Variants in RANBP3 observed in about 807,000 individuals in gnomAD.
RANBP3 encodes the protein RAN binding protein 3.
Under a neutral mutation model 77.3 loss-of-function variants are expected in RANBP3, and 14 were observed. The ratio of observed to expected loss-of-function variants is 0.18; its 90% CI spans 0.12 to 0.28. The LOEUF (loss-of-function observed/expected upper bound fraction) is 0.28. Ranked by LOEUF, RANBP3 falls within the 10% of genes least tolerant of loss-of-function variation. The pLI is 1.00. For synonymous variants in RANBP3, 315 were observed against 312.4 expected, an observed-to-expected ratio of 1.01 and a Z score of -0.09; for missense variants, 586 against 752.3, an observed-to-expected ratio of 0.78 and a Z score of 2.59.
At chr19:5,939,510 C>G (rs1442168140) in intron 5 of RANBP3, among the ~76,000 whole-genome samples, 2 of 152,208 alleles carry the variant, frequency 1.3e-5, no homozygotes, top group Non-Finnish European at 2.9e-5. Context: ...CCGGGGCTCA[C>G]TTGGCTCTGA....
At chr19:5,961,941 T>C (rs1191537264) in intron 1 of RANBP3, among the ~76,000 whole-genome samples, 1 of 151,702 alleles carries the variant, frequency 6.6e-6, no homozygotes, top group African/African-American at 2.4e-5. Flanking sequence ...CAAGAGCGCG[T>C]GGTTCCCCTT....
intron 1 of RANBP3, among the ~76,000 whole-genome samples, chr19:5,972,971 C>T (rs749178564): frequency 1.3e-4 from 20 of 152,178 alleles, no homozygotes; most frequent in Non-Finnish European, 2.1e-4. Flanking sequence ...CCAGTGAGGG[C>T]TTTTCTGTCT....
intron 3 of RANBP3, among the ~76,000 whole-genome samples, chr19:5,951,144 G>A (rs1055648051): frequency 1.3e-5 from 2 of 152,206 alleles, no homozygotes; most frequent in African/African-American, 4.8e-5. Context: ...TTGGGAAACA[G>A]GATTCACCTC....
At chr19:5,966,313 AAC>A (rs1369971598) in intron 1 of RANBP3, among the ~76,000 whole-genome samples, 1 of 152,190 alleles carries the variant, frequency 6.6e-6, no homozygotes, top group Non-Finnish European at 1.5e-5. Flanking sequence ...TGCCTCAGCC[AAC>A]ACAGTGTGTG....
chr19:5,922,920 A>T (rs765778946), intron 13 of RANBP3, among the ~76,000 whole-genome samples: 2 of 152,244 alleles, frequency 1.3e-5, no homozygotes, highest in African/African-American at 2.4e-5. Flanking sequence ...AGCCTGGGTG[A>T]CAGAGTAAGA....
intron 2 of RANBP3, among the ~76,000 whole-genome samples, chr19:5,956,917 C>T (rs1356334652): frequency 6.6e-6 from 1 of 152,136 alleles, no homozygotes; most frequent in Non-Finnish European, 1.5e-5. Flanking sequence ...CAAAATGCAC[C>T]GAATTCAGCA....
At chr19:5,971,483 C>G (rs1007105821) in intron 1 of RANBP3, among the ~76,000 whole-genome samples, 2 of 152,046 alleles carry the variant, frequency 1.3e-5, no homozygotes, top group African/African-American at 4.8e-5. Context: ...TTATCTGCTT[C>G]TATAGTTCAT....
chr19:5,920,434 C>T (rs2057803219), intron 14 of RANBP3, among the ~76,000 whole-genome samples: 1 of 152,130 alleles, frequency 6.6e-6, no homozygotes, highest in Admixed American at 6.6e-5. Flanking sequence ...CACACACAGG[C>T]TGATTTCCTT....
chr19:5,962,021 G>A lies in RANBP3; in HGVS notation c.23-4048C>T, dbSNP rs59761952. ...TCAGGAAGCTCCCACTGTGAGAGGCGTGCCTGCCCTGCTGCACTCCCTCCC... is the reference window on the plus strand; with the variant it reads ...TCAGGAAGCTCCCACTGTGAGAGGCATGCCTGCCCTGCTGCACTCCCTCCC... On this transcript the variant is annotated intron_variant, in intron 1 of 16. Coordinates refer to ENST00000340578, the MANE Select transcript of RANBP3 (RefSeq NM_007322.3). Among the ~76,000 whole-genome samples, 268 of 152,128 alleles carry A rather than the reference G, an allele frequency of 1.8e-3. 1 individual carries two copies. Among genetic ancestry groups the A allele is most frequent in the African/African-American group, 6.3e-3 (261 of 41,506 alleles).
rs771772620 is a variant in RANBP3, at chr19:5,924,878, G to A, written c.945C>T (p.Asp315=). The change falls in exon 11 of 17, where the codon GAC becomes GAT. Residue 315 remains aspartate (D), a synonymous_variant. Coordinates refer to ENST00000340578, the MANE Select transcript of RANBP3 (RefSeq NM_007322.3). This position sits in a 1 kb window ranked among gnomAD's most constrained non-coding sequence, Gnocchi z 4.7. Reference sequence around the variant, plus strand: ...CAAATACAAATTTGTTGCTGGAGGCGTCGGCACTATTGGTTGAGTTCTCTA... The same window carrying A: ...CAAATACAAATTTGTTGCTGGAGGCATCGGCACTATTGGTTGAGTTCTCTA... ...SSLENSTNSA[D]ASSNKFVFGQ... is the part of the protein sequence containing the mutation. 24 of 1,614,012 alleles carry A rather than the reference G, an allele frequency of 1.5e-5. No individual in the cohort carries two copies. The highest frequency in any genetic ancestry group is 2.2e-5 in the East Asian group (1 of 44,894).
intron 5 of RANBP3, among the ~76,000 whole-genome samples, chr19:5,939,042 C>T (rs1466453223): frequency 1.3e-5 from 2 of 151,502 alleles, no homozygotes; most frequent in Admixed American, 6.6e-5. Context: ...AAAATTACCC[C>T]GGCATTGTGG....
At position 5,958,780 on chromosome 19, in the gene RANBP3, T is replaced by C. The variant is rs754489466; in HGVS notation, c.23-807A>G. On this transcript the variant is annotated intron_variant, in intron 1 of 16. Transcript: ENST00000340578. The surrounding 1 kb of genome is among the most constrained non-coding windows in gnomAD (Gnocchi z 4.4). ...CCTGCCTCATGGCCTTGGGCCTGCATGCACTTTGATGAACTCTGGGGGTGC... is the reference window on the plus strand; with the variant it reads ...CCTGCCTCATGGCCTTGGGCCTGCACGCACTTTGATGAACTCTGGGGGTGC... Among the ~76,000 whole-genome samples the C allele has an allele frequency of 5.3e-5, 8 of 152,376 alleles. No individual in the cohort carries two copies. Among genetic ancestry groups the C allele is most frequent in the Admixed American group, 1.3e-4 (2 of 15,312 alleles).
chr19:5,971,928 G>A (rs1430616125), intron 1 of RANBP3, among the ~76,000 whole-genome samples: 1 of 152,244 alleles, frequency 6.6e-6, no homozygotes, highest in Non-Finnish European at 1.5e-5. Flanking sequence ...CACAGGCGCA[G>A]CTGTTCCTTA....
rs984111995 is a variant in RANBP3, at chr19:5,941,700, G to C, written c.327C>G (p.Asp109Glu). 2 of 1,613,644 alleles carry C rather than the reference G, an allele frequency of 1.2e-6. No individual in the cohort carries two copies. The stretch of plus-strand genomic sequence containing the variant: ...GAGGGCAGTAATTTCCATCTTCTCT[G>C]TCAGAATCTACAGAAAATGATGAGA... ...GSSPEGGEDS[D>E]REDGNYCPPV... is the part of the protein sequence containing the mutation. Residue 109 changes from aspartate to glutamate, a missense_variant, in exon 5 of 17, where the codon GAC becomes GAG. Asp to Glu is a conservative substitution (Grantham distance 45, BLOSUM62 2). This residue lies in a region of RANBP3 where 172 missense variants were observed against 183.4 expected (regional missense o/e 0.94). Transcript: ENST00000340578.
chr19:5,957,375 T>G lies in RANBP3; in HGVS notation c.78+543A>C, dbSNP rs757943688. On this transcript the variant is annotated intron_variant, in intron 2 of 16. Transcript: ENST00000340578. ...CACACTGCGACCCAGACACCCTGAA[T>G]CCAAGGGAGAAGCAGCCTCATGGAC... is the stretch of plus-strand genomic sequence containing the variant. 4.6e-5 allele frequency among the ~76,000 whole-genome samples: 7 copies of G among 152,156 alleles called. No homozygotes were observed. In the South Asian group the frequency reaches 1.5e-3, roughly 32 times the overall value.
At chr19:5,971,450 C>T (rs1290588087) in intron 1 of RANBP3, among the ~76,000 whole-genome samples, 1 of 152,100 alleles carries the variant, frequency 6.6e-6, no homozygotes, top group Non-Finnish European at 1.5e-5. Context: ...AGGTGTTTGC[C>T]ACTGTGCCCG....
intron 8 of RANBP3, among the ~76,000 whole-genome samples, chr19:5,928,993 C>T (rs575340443): frequency 6.6e-5 from 10 of 152,248 alleles, no homozygotes; most frequent in Admixed American, 2.0e-4. Flanking sequence ...TGGGAGATGT[C>T]GTGAAGGGAC....
At position 5,924,953 on chromosome 19, in the gene RANBP3, G is replaced by T; in HGVS notation, c.918-48C>A. ...GTGTGGGGCGTCACGTGGGAACGTG[G>T]CCAGGCAAATGTATGGGTACCCATG... On this transcript the variant is annotated intron_variant, in intron 10 of 16. Transcript: ENST00000340578. This position sits in a 1 kb window ranked among gnomAD's most constrained non-coding sequence, Gnocchi z 4.7. The T allele has an allele frequency of 6.5e-7, 1 of 1,538,688 alleles. No homozygotes were observed. The highest frequency in any genetic ancestry group is 9.0e-7 in the Non-Finnish European group (1 of 1,111,568).
intron 1 of RANBP3, among the ~76,000 whole-genome samples, chr19:5,963,472 G>C (rs758228366): frequency 3.9e-5 from 6 of 152,196 alleles, no homozygotes; most frequent in Non-Finnish European, 8.8e-5. Flanking sequence ...GACTGCTTGA[G>C]CCCAGGAGTT....
Sources: gnomAD v4.1 joint callset for allele counts (sites outside exome capture counted in the v4.1 genomes callset) on GRCh38, gnomAD v4.1.1 for gene constraint, gnomAD v4.1.1 regional missense constraint, Gnocchi (gnomAD v3.1) non-coding constraint, MANE v1.5 for transcripts, NCBI Gene and HGNC (gene_info 2026-07-23, HGNC 2026-07-21) for gene names.